Variants in MEI1 observed in about 807,000 individuals in gnomAD.
The protein encoded by MEI1 is meiotic double-stranded break formation protein 1, also known as meiosis inhibitor protein 1.
A neutral mutation model predicts 146.2 loss-of-function variants in MEI1; 103 were observed. The ratio of observed to expected loss-of-function variants is 0.70; its 90% CI spans 0.60 to 0.83. The LOEUF (loss-of-function observed/expected upper bound fraction) is 0.83. Ranked by LOEUF, MEI1 falls within the 40% of genes least tolerant of loss-of-function variation. The probability of loss-of-function intolerance (pLI) is 0.00; values close to 1 mark genes in which losing one functional copy is unlikely to be tolerated. For missense variants in MEI1, 1,529 were observed against 1,533.0 expected (o/e 1.00, Z 0.04); for synonymous variants, 652 against 628.2 (o/e 1.04, Z -0.57).
rs1419639477 is a variant in MEI1 at position 41,743,095 on chromosome 22, C to A, written c.1347C>A (p.Ser449Arg). ...CTGGATGCAGGAAGGACCATCAGAG[C>A]ACTCCACCTGTGCAGTATGGGGAAC... ...TSAFLRKDHQ[S>R]TPPVQYGELQ... The change falls in exon 12 of 31, where the codon AGC becomes AGA. Residue 449 changes from serine (S) to arginine (R), a missense_variant. Transcript: ENST00000401548. 1.2e-6 allele frequency: 2 copies of A among 1,611,446 alleles called. No homozygotes were observed. The highest frequency in any genetic ancestry group is 8.5e-7 in the Non-Finnish European group (1 of 1,178,454).
At chr22:41,774,292 A>G (rs560359977) in intron 20 of MEI1, 4 of 152,324 alleles carry the variant, frequency 2.6e-5, no homozygotes, top group Admixed American at 6.5e-5. Flanking sequence ...CACCATAGCC[A>G]CACAAAGCTG....
At chr22:41,771,490 C>T (rs747720338) in intron 20 of MEI1, among the ~76,000 whole-genome samples, 4 of 152,106 alleles carry the variant, frequency 2.6e-5, no homozygotes, top group Non-Finnish European at 5.9e-5. Context: ...GGGTGCAGTG[C>T]CGTGGCATGA....
At chr22:41,769,763 C>A (rs867917938) in intron 19 of MEI1, among the ~76,000 whole-genome samples, 1 of 151,804 alleles carries the variant, frequency 6.6e-6, no homozygotes, top group African/African-American at 2.4e-5. Flanking sequence ...TGAGCCCCCA[C>A]GCCCAGCCTC....
intron 3 of MEI1, chr22:41,709,314 CT>C: frequency 1.5e-5 from 12 of 796,102 alleles, no homozygotes; most frequent in African/African-American, 1.7e-5. Flanking sequence ...CCAGCATCCA[CT>C]TTTCCCTTTT....
rs2073837479 is a variant in MEI1, at chr22:41,752,615, C to A, written c.1817C>A (p.Thr606Asn). 6.3e-7 allele frequency: 1 copy of A among 1,599,992 alleles called. No homozygotes were observed. Among genetic ancestry groups the A allele is most frequent in the East Asian group, 2.2e-5 (1 of 44,560 alleles). ...GCTTCCTCATCCTTCATACGACTGA[C>A]CCTGGAGCTGAAGGCCAGGTTTTGC... Reference protein sequence around the residue: ...KLASSSFIRLTLELKARFCSG... With the variant: ...KLASSSFIRLNLELKARFCSG... Residue 606 changes from threonine (T) to asparagine (N), a missense_variant, in exon 16 of 31, where the codon ACC becomes AAC. Around this residue, in one of 3 missense-constraint regions of MEI1, gnomAD observed 1,212 missense variants for 1,178.9 expected, o/e 1.03. Transcript: ENST00000401548.
intron 1 of MEI1, among the ~76,000 whole-genome samples, chr22:41,701,837 G>A (rs2068740634): frequency 6.6e-6 from 1 of 152,202 alleles, no homozygotes. Context: ...GGAAGTGGGA[G>A]GCTGATTATC....
chr22:41,733,448 C>G (rs987715941), intron 11 of MEI1, among the ~76,000 whole-genome samples: 1 of 150,774 alleles, frequency 6.6e-6, no homozygotes, highest in Non-Finnish European at 1.5e-5. Flanking sequence ...GACCTTGTCT[C>G]AAAAGAAAAA....
At position 41,763,097 on chromosome 22, in the gene MEI1, A is replaced by T. The variant is rs976753895; in HGVS notation, c.2121-77A>T. The T allele has an allele frequency of 5.2e-6, 8 of 1,529,760 alleles. No homozygotes were observed. The East Asian group carries it at 1.8e-4, about 35-fold the overall frequency. 94.8% of individuals were successfully genotyped at this position (1,529,760 alleles called of 1,614,324 possible). Reference sequence around the variant, plus strand: ...GGGCAGGACAGTGGGCTGAGGAAGGATGCGGCCAGGCAGAATAGAAGAGCC... The same window carrying T: ...GGGCAGGACAGTGGGCTGAGGAAGGTTGCGGCCAGGCAGAATAGAAGAGCC... On this transcript the variant is annotated intron_variant, in intron 18 of 30. Coordinates refer to ENST00000401548, the MANE Select transcript of MEI1 (RefSeq NM_152513.4).
chr22:41,738,927 G>A (rs6002459), intron 11 of MEI1, among the ~76,000 whole-genome samples: 29,462 of 151,554 alleles, frequency 0.19, 7,744 homozygotes, highest in African/African-American at 0.6. Context: ...TGATCACACC[G>A]CTGCACTCCA....
At chr22:41,735,498 G>T (rs1455339576) in intron 11 of MEI1, among the ~76,000 whole-genome samples, 1 of 152,138 alleles carries the variant, frequency 6.6e-6, no homozygotes, top group Non-Finnish European at 1.5e-5. Context: ...CTTCCAAAGT[G>T]CTGGGATTAC....
chr22:41,739,970 T>C (rs1436541181), intron 11 of MEI1, among the ~76,000 whole-genome samples: 1 of 151,778 alleles, frequency 6.6e-6, no homozygotes, highest in Non-Finnish European at 1.5e-5. Flanking sequence ...TGGGTCAGAA[T>C]TGTGGAGAGA....
rs2068855080 is a variant in MEI1 at position 41,703,386 on chromosome 22, C to T, written c.230C>T (p.Thr77Ile). The T allele has an allele frequency of 6.2e-7, 1 of 1,611,408 alleles. No individual in the cohort carries two copies. The highest frequency in any genetic ancestry group is 8.5e-7 in the Non-Finnish European group (1 of 1,178,736). ...SCFQDALVRH[T>I]SLVTQLVSQD... ...TTCCAAGATGCCCTTGTGAGGCATA[C>T]CTCCCTGGTCACGCAACTGGTGTCT... is the stretch of plus-strand genomic sequence containing the variant. The change falls in exon 2 of 31, where the codon ACC becomes ATC. Residue 77 changes from threonine (T) to isoleucine (I), a missense_variant. Thr to Ile is a moderately conservative substitution (Grantham distance 89). Transcript: ENST00000401548.
chr22:41,784,115 G>T (rs577707947), intron 24 of MEI1, among the ~76,000 whole-genome samples: 2 of 152,318 alleles, frequency 1.3e-5, no homozygotes, highest in African/African-American at 4.8e-5. Context: ...AGTGAGGATG[G>T]GGGAGATTTG....
Position 41,769,803 on chromosome 22 carries a change from A to AACATTCCCATTCCC in MEI1, c.2269-882_2269-881insCATTCCCATTCCCA, listed in dbSNP as rs1383590875. Among the ~76,000 whole-genome samples the AACATTCCCATTCCC allele has an allele frequency of 2.6e-5, 4 of 151,704 alleles. No individual in the cohort carries two copies. The East Asian group carries it at 7.8e-4, about 30-fold the overall frequency. ...TAAGAAATTTGAACATTGTTATGGG[A>AACATTCCCATTCCC]ATGCAATGGGAAGAGGTAGGTTTGT... On this transcript the variant is annotated intron_variant, in intron 19 of 30. Coordinates refer to ENST00000401548, the MANE Select transcript of MEI1 (RefSeq NM_152513.4).
At position 41,718,085 on chromosome 22, in the gene MEI1, C is replaced by T; in HGVS notation, c.544C>T (p.His182Tyr). The stretch of plus-strand genomic sequence containing the variant: ...TTTCTGGACAGGCAACCTGATGGAG[C>T]ATCTGTTGAGAGGCTTAGTATACCC... ...LVMEHGNLME[H>Y]LLRGLVYPSE... The change falls in exon 6 of 31, where the codon CAT becomes TAT. Residue 182 changes from histidine to tyrosine, a missense_variant. Around this residue, in one of 3 missense-constraint regions of MEI1, gnomAD observed 1,212 missense variants for 1,178.9 expected, o/e 1.03. Coordinates refer to ENST00000401548, the MANE Select transcript of MEI1 (RefSeq NM_152513.4). 6.2e-7 allele frequency: 1 copy of T among 1,601,622 alleles called. No individual in the cohort carries two copies. Among genetic ancestry groups the T allele is most frequent in the Non-Finnish European group, 8.5e-7 (1 of 1,172,194 alleles).
chr22:41,703,234 T>G, intron 1 of MEI1, 97 bp from the exon 2 acceptor site: 1 of 1,327,132 alleles, frequency 7.5e-7, no homozygotes, highest in Non-Finnish European at 1.0e-6. Context: ...AATGATCCCT[T>G]GTATCATCTT....
intron 15 of MEI1, among the ~76,000 whole-genome samples, chr22:41,751,917 A>G (rs547227510): frequency 8.6e-5 from 13 of 151,188 alleles, no homozygotes; most frequent in African/African-American, 2.9e-4. Flanking sequence ...TAAAAATACA[A>G]AAATTAGCTG....
rs767390475 is a variant in MEI1, at chr22:41,699,509, G to C, written c.-30G>C. 7 of 1,592,038 alleles carry C rather than the reference G, an allele frequency of 4.4e-6. No individual in the cohort carries two copies. In the Admixed American group the frequency reaches 6.9e-5, roughly 16 times the overall value. On this transcript the variant is annotated 5_prime_UTR_variant, in exon 1 of 31. Coordinates refer to ENST00000401548, the MANE Select transcript of MEI1 (RefSeq NM_152513.4). Reference sequence around the variant, plus strand: ...ATGCGTGCAGTCTGCGCGGGAAAGAGTGCCGCCTCAGCTGAGGGCAAGCGA... The same window carrying C: ...ATGCGTGCAGTCTGCGCGGGAAAGACTGCCGCCTCAGCTGAGGGCAAGCGA...
chr22:41,736,791 A>G (rs1274514341), intron 11 of MEI1, among the ~76,000 whole-genome samples: 1 of 152,106 alleles, frequency 6.6e-6, no homozygotes, highest in Non-Finnish European at 1.5e-5. Flanking sequence ...TGAAAACTTT[A>G]CTGTAGAAAA....
Sources: gnomAD v4.1 joint callset for allele counts (sites outside exome capture counted in the v4.1 genomes callset) on GRCh38, gnomAD v4.1.1 for gene constraint, gnomAD v4.1.1 regional missense constraint, MANE v1.5 for transcripts, NCBI Gene and HGNC (gene_info 2026-07-23, HGNC 2026-07-21) for gene names.